PVT1: variants seen among roughly 807,000 people sequenced by gnomAD.
PVT1 encodes the protein Pvt1 oncogene, also known as CXCR4/PVT1 fusion.
At chr8:127,987,341 G>T (rs1816981420) in intron 3 of PVT1, among the ~76,000 whole-genome samples, 1 of 152,168 alleles carries the variant, frequency 6.6e-6, no homozygotes, top group South Asian at 2.1e-4. Flanking sequence ...TTACAGCCAG[G>T]CCTGGAGCTG....
At chr8:127,817,524 TTTAA>T (rs1814678201) in intron 2 of PVT1, among the ~76,000 whole-genome samples, 2 of 29,232 alleles carry the variant, frequency 6.8e-5, no homozygotes, top group African/African-American at 2.2e-4. Context: ...GATATATCTA[TTTAA>T]ATATATATAT....
intron 5 of PVT1, among the ~76,000 whole-genome samples, chr8:128,096,366 CT>C (rs1350326014): frequency 1.3e-5 from 2 of 152,340 alleles, no homozygotes; most frequent in East Asian, 3.9e-4. Context: ...TGAAGGAGAG[CT>C]TTCTGGAATG....
At chr8:128,073,293 T>G (rs1814021979) in intron 5 of PVT1, among the ~76,000 whole-genome samples, 1 of 152,180 alleles carries the variant, frequency 6.6e-6, no homozygotes, top group Admixed American at 6.5e-5. Flanking sequence ...CCTGCATAAC[T>G]AGTAACTCGA....
chr8:127,820,639 T>A (rs1289528342), intron 2 of PVT1, among the ~76,000 whole-genome samples: 1 of 152,012 alleles, frequency 6.6e-6, no homozygotes, highest in Non-Finnish European at 1.5e-5. Context: ...AAGCCCAAGT[T>A]CTGGCCCCTG....
At chr8:127,901,623 G>A (rs1815759982) in intron 3 of PVT1, among the ~76,000 whole-genome samples, 1 of 152,064 alleles carries the variant, frequency 6.6e-6, no homozygotes, top group East Asian at 1.9e-4. Context: ...TGTTGCCTAG[G>A]CTGGTCTCAA....
chr8:128,068,042 C>T (rs1267550607), intron 4 of PVT1, among the ~76,000 whole-genome samples: 3 of 151,292 alleles, frequency 2.0e-5, no homozygotes, highest in Non-Finnish European at 2.9e-5. Context: ...CCAGAGCCAT[C>T]ATCTCACCCA....
chr8:127,941,848 C>T (rs1007073770), intron 3 of PVT1, among the ~76,000 whole-genome samples: 4 of 152,182 alleles, frequency 2.6e-5, no homozygotes, highest in African/African-American at 7.2e-5. Context: ...CATCCAGCAC[C>T]AGCTCAGCTC....
At chr8:127,956,979 C>A (rs181294866) in intron 3 of PVT1, among the ~76,000 whole-genome samples, 98 of 152,286 alleles carry the variant, frequency 6.4e-4, no homozygotes, top group Admixed American at 6.3e-3. Flanking sequence ...TCATCACTAT[C>A]ATTATCACTT....
In PVT1 at chr8:127,915,472, C is replaced by A. The variant is rs1455132055; in HGVS notation, n.782+24474C>A. Among the ~76,000 whole-genome samples, 4 of 151,896 alleles carry A rather than the reference C, an allele frequency of 2.6e-5. No homozygotes were observed. The East Asian group carries it at 5.9e-4, about 22-fold the overall frequency. On this transcript the variant is annotated intron_variant and non_coding_transcript_variant, in intron 3 of 10. Transcript: ENST00000651587. ...TACTAAAAATACGAAATTAGCCAGG[C>A]GTGGTGGCACGTGCCTGTAATCCCA...
chr8:127,829,535 A>G (rs1814827818), intron 2 of PVT1, among the ~76,000 whole-genome samples: 1 of 152,134 alleles, frequency 6.6e-6, no homozygotes, highest in Non-Finnish European at 1.5e-5. Context: ...CCTCTTTCAC[A>G]TCTATTCTAT....
chr8:127,881,292 T>C (rs1334316119), intron 2 of PVT1, among the ~76,000 whole-genome samples: 2 of 152,016 alleles, frequency 1.3e-5, no homozygotes, highest in African/African-American at 4.8e-5. Context: ...GTGAGCCCAC[T>C]GTGTGCCGGA....
rs112819013 is a variant in PVT1, at chr8:127,832,630, G to A, written n.372+36559G>A. Among the ~76,000 whole-genome samples the A allele has an allele frequency of 7.2e-5, 11 of 152,234 alleles. 1 individual carries two copies. In the East Asian group the frequency reaches 1.7e-3, roughly 24 times the overall value. On this transcript the variant is annotated intron_variant and non_coding_transcript_variant, in intron 2 of 10. Coordinates refer to ENST00000651587, the Ensembl canonical transcript of PVT1. Reference sequence around the variant, plus strand: ...TCCCAGCACTTTGGGAGGCCAAGGCGGGCGGATCACGAGGTCAGGAGATAG... The same window carrying A: ...TCCCAGCACTTTGGGAGGCCAAGGCAGGCGGATCACGAGGTCAGGAGATAG...
chr8:127,943,118 A>G (rs1198927264), intron 3 of PVT1, among the ~76,000 whole-genome samples: 1 of 152,156 alleles, frequency 6.6e-6, no homozygotes, highest in African/African-American at 2.4e-5. Context: ...TGACTCAGTA[A>G]GATGATGTGT....
In PVT1 at chr8:127,965,311, C is replaced by T. The variant is rs555395097; in HGVS notation, n.783-23851C>T. ...GTTCACCAATGAAAAAATGTTGCCC[C>T]CTAAGTGGGTATAATGTACACATTT... On this transcript the variant is annotated intron_variant and non_coding_transcript_variant, in intron 3 of 10. Coordinates refer to ENST00000651587, the Ensembl canonical transcript of PVT1. 1.4e-3 allele frequency among the ~76,000 whole-genome samples: 206 copies of T among 152,182 alleles called. 4 individuals are homozygous for T. Among genetic ancestry groups the T allele is most frequent in the Non-Finnish European group, 2.4e-4 (16 of 68,022 alleles).
At chr8:127,980,134 G>A (rs1056548825) in intron 3 of PVT1, among the ~76,000 whole-genome samples, 2 of 152,014 alleles carry the variant, frequency 1.3e-5, no homozygotes, top group African/African-American at 2.4e-5. Context: ...TTCCTGCCTC[G>A]ACCTCCTGAA....
At chr8:128,001,646 T>C (rs1817178336) in intron 4 of PVT1, among the ~76,000 whole-genome samples, 1 of 152,212 alleles carries the variant, frequency 6.6e-6, no homozygotes, top group Non-Finnish European at 1.5e-5. Flanking sequence ...ATTTCCCCTT[T>C]GCTCCCATGT....
intron 4 of PVT1, among the ~76,000 whole-genome samples, chr8:128,067,257 GT>G (rs1328979689): frequency 6.6e-6 from 1 of 152,214 alleles, no homozygotes; most frequent in Non-Finnish European, 1.5e-5. Context: ...CAACGTCTTG[GT>G]GATAACAGGC....
chr8:128,045,372 G>C (rs1443715758), intron 4 of PVT1, among the ~76,000 whole-genome samples: 1 of 152,166 alleles, frequency 6.6e-6, no homozygotes, highest in Non-Finnish European at 1.5e-5. Context: ...AAATAAAAAT[G>C]CTTTGCCACA....
chr8:127,957,029 G>A (rs1052946719), intron 3 of PVT1, among the ~76,000 whole-genome samples: 2 of 152,058 alleles, frequency 1.3e-5, no homozygotes, highest in Non-Finnish European at 2.9e-5. Flanking sequence ...CACTGGCCTA[G>A]CTTGCATGGT....
Sources: gnomAD v4.1 joint callset for allele counts (sites outside exome capture counted in the v4.1 genomes callset) on GRCh38, gnomAD v4.1.1 for gene constraint, MANE v1.5 for transcripts, NCBI Gene and HGNC (gene_info 2026-07-23, HGNC 2026-07-21) for gene names.